The following MAP3K2 variants were observed in gnomAD, a reference collection of about 807,000 sequenced individuals.
MAP3K2 encodes mitogen-activated protein kinase kinase kinase 2.
Under a neutral mutation model 80.3 loss-of-function variants are expected in MAP3K2, and 24 were observed. That is an observed-to-expected ratio of 0.30 (90% confidence interval 0.22 to 0.42). The LOEUF is 0.42. Ranked by LOEUF, MAP3K2 falls within the 10% of genes least tolerant of loss-of-function variation. The pLI, the probability that MAP3K2 is intolerant of heterozygous loss-of-function variation, is 1.00. For missense variants in MAP3K2, 608 were observed against 750.1 expected, an observed-to-expected ratio of 0.81 and a Z score of 2.21; for synonymous variants, 244 against 253.7, an observed-to-expected ratio of 0.96 and a Z score of 0.36.
chr2:127,336,087 TTTAC>T (rs1409007739), intron 4 of MAP3K2, 118 bp from the exon 5 acceptor site: 2 of 605,032 alleles, frequency 3.3e-6, no homozygotes, highest in African/African-American at 1.8e-5. Flanking sequence ...AAATATTCAC[TTTAC>T]TTAACACTAC....
At chr2:127,365,338 T>C (rs1192172990) in intron 1 of MAP3K2, among the ~76,000 whole-genome samples, 1 of 152,050 alleles carries the variant, frequency 6.6e-6, no homozygotes, top group Admixed American at 6.6e-5. Context: ...AAAACATCAC[T>C]ATGGACTCCC....
intron 15 of MAP3K2, 109 bp downstream of exon 15, chr2:127,314,645 G>T: frequency 1.2e-6 from 1 of 857,908 alleles, no homozygotes; most frequent in Non-Finnish European, 1.8e-6. Context: ...TTTCCCTGTA[G>T]TATTTCAGAG....
At chr2:127,308,800 T>G (rs1685756835) in intron 15 of MAP3K2, 38 bp from the exon 16 acceptor site, 1 of 1,592,352 alleles carries the variant, frequency 6.3e-7, no homozygotes, top group African/African-American at 1.3e-5. Flanking sequence ...TTAATTTTAT[T>G]GGCAGTCTCG....
At chr2:127,324,478 A>G (rs1260298422) in intron 9 of MAP3K2, among the ~76,000 whole-genome samples, 1 of 152,224 alleles carries the variant, frequency 6.6e-6, no homozygotes, top group East Asian at 1.9e-4. Context: ...GTATTTTGGA[A>G]TCATTAGGTG....
rs1686536499 is a variant in MAP3K2 at position 127,343,351 on chromosome 2, G to A, written c.-65-157C>T. ...GGGGAGGTGTTTTATATTGAAGGTT[G>A]ATCATGTAGGCACCCCCTTGCCTAA... On this transcript the variant is annotated intron_variant, in intron 1 of 16. Transcript: ENST00000682094. 1.1e-5 allele frequency: 5 copies of A among 469,742 alleles called. No individual in the cohort carries two copies. The Admixed American group carries it at 1.8e-4, about 17-fold the overall frequency. 29.1% of individuals were successfully genotyped at this position (469,742 alleles called of 1,614,324 possible).
chr2:127,342,113 G>A (rs901744109), intron 2 of MAP3K2, among the ~76,000 whole-genome samples: 19 of 152,032 alleles, frequency 1.2e-4, no homozygotes, highest in Non-Finnish European at 2.1e-4. Context: ...AAATTTGATC[G>A]ATACATAGAG....
At chr2:127,318,062 T>TG (rs397985826) in intron 13 of MAP3K2, 107 bp downstream of exon 13, 23 of 900,554 alleles carry the variant, frequency 2.6e-5, no homozygotes, top group African/African-American at 7.4e-5. Flanking sequence ...TTTTTTTTTT[T>TG]GAAAAAAAAT....
chr2:127,338,885 T>G (rs373601785), intron 3 of MAP3K2, 47 bp downstream of exon 3: 1 of 1,234,104 alleles, frequency 8.1e-7, no homozygotes, highest in Non-Finnish European at 1.2e-6. Flanking sequence ...AAGATTAGGA[T>G]ATTAAAGGAA....
Position 127,337,759 on chromosome 2 carries a change from A to T in MAP3K2, c.143T>A (p.Phe48Tyr), listed in dbSNP as rs1359624460. ...PKKQNDVRVKFEHRGEKRILQ... is the reference protein window; with the variant it reads ...PKKQNDVRVKYEHRGEKRILQ... ...TTACCTTTTTTCTCCTCTATGTTCA[A>T]ATTTGACTCGGACATCATTCTGTAA... The change falls in exon 4 of 17, where the codon TTT (phenylalanine) becomes TAT (tyrosine). Residue 48 changes from phenylalanine (F) to tyrosine (Y), a missense_variant. By Grantham distance (22) the Phe-to-Tyr change is conservative. Coordinates refer to ENST00000682094, the MANE Select transcript of MAP3K2 (RefSeq NM_001371910.2). The T allele has an allele frequency of 3.3e-6, 5 of 1,529,818 alleles. No homozygotes were observed. In the South Asian group the frequency reaches 4.8e-5, roughly 15 times the overall value. 94.8% of individuals were successfully genotyped at this position (1,529,818 alleles called of 1,614,324 possible).
At chr2:127,309,622 A>G (rs539759423) in intron 15 of MAP3K2, among the ~76,000 whole-genome samples, 49 of 152,230 alleles carry the variant, frequency 3.2e-4, no homozygotes, top group African/African-American at 1.1e-3. Context: ...GTGTCCCCTG[A>G]GGCTCCTCTT....
At position 127,312,965 on chromosome 2, in the gene MAP3K2, T is replaced by TA. The variant is rs879814656; in HGVS notation, c.1456+1788dup. 3.3e-3 allele frequency among the ~76,000 whole-genome samples: 470 copies of TA among 140,430 alleles called. 4 individuals carry two copies. The South Asian group carries it at 0.04, about 12-fold the overall frequency. The allele number at this position is 140,430 out of a possible 152,430, so 92.1% of individuals were successfully genotyped here. A position where few individuals can be genotyped will look rare whatever the true frequency, so the allele number is the denominator to read the frequency against. ...CTGGGCAACAAGAGTGAATCTCTCTTAAAAAAAAAAAAAATAAAAACGACC... is the reference window on the plus strand; with the variant it reads ...CTGGGCAACAAGAGTGAATCTCTCTTAAAAAAAAAAAAAAATAAAAACGACC... On this transcript the variant is annotated intron_variant, in intron 15 of 16. Transcript: ENST00000682094.
At chr2:127,380,256 T>C (rs1687223658) in intron 1 of MAP3K2, among the ~76,000 whole-genome samples, 1 of 152,336 alleles carries the variant, frequency 6.6e-6, no homozygotes, top group Admixed American at 6.5e-5. Flanking sequence ...TATAGTGCAA[T>C]GTGGCAAGTA....
chr2:127,378,135 A>AT, intron 1 of MAP3K2: 1 of 980,552 alleles, frequency 1.0e-6, no homozygotes, highest in Non-Finnish European at 1.2e-6. Flanking sequence ...AAGATGACAG[A>AT]CATGGAAAAT....
Position 127,310,996 on chromosome 2 carries a change from C to A in MAP3K2, c.1457-2234G>T, listed in dbSNP as rs1013783394. 2.0e-5 allele frequency among the ~76,000 whole-genome samples: 3 copies of A among 152,038 alleles called. No individual in the cohort carries two copies. The highest frequency in any genetic ancestry group is 7.3e-5 in the African/African-American group (3 of 41,372). ...GTTCTCTTACCCTTTTCTTAAAAAA[C>A]GGTCTCTAAGAAGGAGACTGAATAG... is the stretch of plus-strand genomic sequence containing the variant. On this transcript the variant is annotated intron_variant, in intron 15 of 16. Coordinates refer to ENST00000682094, the MANE Select transcript of MAP3K2 (RefSeq NM_001371910.2). The surrounding 1 kb of genome is among the most constrained non-coding windows in gnomAD (Gnocchi z 4.8).
intron 8 of MAP3K2, 46 bp from the exon 9 acceptor site, chr2:127,325,853 A>G (rs1207780100): frequency 7.4e-7 from 1 of 1,358,920 alleles, no homozygotes; most frequent in South Asian, 1.2e-5. Flanking sequence ...GATATAACCA[A>G]AAGTTGCTTA....
chr2:127,381,344 T>G (rs577863318), intron 1 of MAP3K2, among the ~76,000 whole-genome samples: 68 of 152,324 alleles, frequency 4.5e-4, no homozygotes, highest in African/African-American at 1.6e-3. Flanking sequence ...TAAGAAAAAT[T>G]TAAATGCACT....
In MAP3K2 at chr2:127,322,195, A is replaced by G; in HGVS notation, c.896T>C (p.Val299Ala). 6.2e-7 allele frequency: 1 copy of G among 1,613,992 alleles called. No homozygotes were observed. Among genetic ancestry groups the G allele is most frequent in the Non-Finnish European group, 8.5e-7 (1 of 1,179,860 alleles). The change falls in exon 12 of 17, where the codon GTG becomes GCG. Residue 299 changes from valine (V) to alanine (A), a missense_variant. Physicochemically the swap from Val to Ala is moderately conservative, Grantham distance 64. Around this residue, in one of 4 missense-constraint regions of MAP3K2, gnomAD observed 467 missense variants for 521.9 expected, o/e 0.89. Transcript: ENST00000682094. The surrounding 1 kb of genome is among the most constrained non-coding windows in gnomAD (Gnocchi z 4.2). ...GGAATGATCAGTAGGACTGAAACTC[A>G]CAGGAGACCGTAAGCTGGTCCCCTG... ...RTQGTSLRSP[V>A]SFSPTDHSLS...
chr2:127,353,429 C>G (rs1168095219), intron 1 of MAP3K2, among the ~76,000 whole-genome samples: 1 of 151,796 alleles, frequency 6.6e-6, no homozygotes, highest in African/African-American at 2.4e-5. Context: ...CCGGCAGCCG[C>G]CCCGTCTGAG....
chr2:127,326,232 A>C (rs1686135491), intron 8 of MAP3K2, among the ~76,000 whole-genome samples: 1 of 130,742 alleles, frequency 7.6e-6, no homozygotes. Flanking sequence ...CTACTATAAT[A>C]GTGTGAACAT....
Sources: allele counts gnomAD v4.1 joint callset (sites outside exome capture counted in the v4.1 genomes callset), GRCh38; gene constraint gnomAD v4.1.1; regional missense constraint gnomAD v4.1.1; non-coding constraint Gnocchi (gnomAD v3.1); transcripts MANE v1.5; gene names NCBI Gene and HGNC (gene_info 2026-07-23, HGNC 2026-07-21).